Variants in MACF1 observed in about 807,000 individuals in gnomAD.
The protein encoded by MACF1 is microtubule-actin cross-linking factor 1.
In MACF1, 193 loss-of-function variants were observed where a neutral mutation model predicts 854.8. The ratio of observed to expected loss-of-function variants is 0.23; its 90% CI spans 0.20 to 0.25. The LOEUF is 0.25. Among genes scored for constraint, MACF1 ranks in the 10% least tolerant of loss-of-function variants. The pLI is 1.00. For synonymous variants in MACF1, 3,185 were observed against 3,226.7 expected, an observed-to-expected ratio of 0.99 and a Z score of 0.44; for missense variants, 7,722 against 8,929.1, an observed-to-expected ratio of 0.86 and a Z score of 5.45.
intron 4 of MACF1, among the ~76,000 whole-genome samples, chr1:39,252,631 T>C (rs1176387011): frequency 6.6e-6 from 1 of 152,228 alleles, no homozygotes; most frequent in African/African-American, 2.4e-5. Flanking sequence ...TCATTCTCTG[T>C]CCTCTTAAAA....
chr1:39,454,834 A>C (rs1644405240), intron 88 of MACF1, 75 bp from the exon 89 acceptor site: 1 of 1,289,932 alleles, frequency 7.8e-7, no homozygotes, highest in African/African-American at 1.5e-5. Context: ...TATGAAAATC[A>C]GATGAAAAAG....
At position 39,358,773 on chromosome 1, in the gene MACF1, A is replaced by G. The variant is rs140590169; in HGVS notation, c.12020A>G (p.Gln4007Arg). 5 of 1,614,124 alleles carry G rather than the reference A, an allele frequency of 3.1e-6. No individual in the cohort carries two copies. The highest frequency in any genetic ancestry group is 4.2e-6 in the Non-Finnish European group (5 of 1,180,006). The change falls in exon 46 of 101, where the codon CAG (glutamine) becomes CGG (arginine). Residue 4007 changes from glutamine (Q) to arginine (R), a missense_variant. Physicochemically the swap from Gln to Arg is conservative, Grantham distance 43 (BLOSUM62 1). Transcript: ENST00000564288. ...TTCCAAAACAGTGCTGACAGCCTGCAGGCCTGGATGCAGGCTTGTGAGGCC... is the reference window on the plus strand; with the variant it reads ...TTCCAAAACAGTGCTGACAGCCTGCGGGCCTGGATGCAGGCTTGTGAGGCC... ...HQFQNSADSL[Q>R]AWMQACEANV... is the part of the protein sequence containing the mutation.
intron 87 of MACF1, among the ~76,000 whole-genome samples, chr1:39,453,251 A>G (rs1557663000): frequency 6.6e-6 from 1 of 151,994 alleles, no homozygotes; most frequent in Non-Finnish European, 1.5e-5. Flanking sequence ...CCCTTTTTAA[A>G]TTTTTATGTT....
chr1:39,410,972 A>G (rs1193689252), intron 58 of MACF1: 4 of 1,613,830 alleles, frequency 2.5e-6, no homozygotes, highest in African/African-American at 2.7e-5. Flanking sequence ...CAGCCTGTAG[A>G]ATCAGAAGCT....
intron 30 of MACF1, among the ~76,000 whole-genome samples, chr1:39,319,048 A>G (rs1646464811): frequency 2.0e-5 from 3 of 150,918 alleles, no homozygotes; most frequent in African/African-American, 7.3e-5. Context: ...CATTATGGTT[A>G]AGAGTATGAG....
chr1:39,258,024 T>A lies in MACF1; in HGVS notation c.524T>A (p.Phe175Tyr). ...CTGATCTGGACCATTATTTTGCATT[T>A]CCAGGTAGGGCATGTGAAGTTTGGA... ...LGLIWTIILH[F>Y]QISDIYISGE... The change falls in exon 6 of 101, where the codon TTC (phenylalanine) becomes TAC (tyrosine). Residue 175 changes from phenylalanine (F) to tyrosine (Y), a missense_variant. This residue lies in a region of MACF1 where 108 missense variants were observed against 196.4 expected (regional missense o/e 0.55). Coordinates refer to ENST00000564288, the MANE Select transcript of MACF1 (RefSeq NM_001394062.1). 6.2e-7 allele frequency: 1 copy of A among 1,613,896 alleles called. No individual in the cohort carries two copies. Among genetic ancestry groups the A allele is most frequent in the Non-Finnish European group, 8.5e-7 (1 of 1,179,800 alleles).
intron 2 of MACF1, among the ~76,000 whole-genome samples, chr1:39,191,828 AGCT>A (rs1325074713): frequency 6.6e-5 from 10 of 152,130 alleles, no homozygotes; most frequent in African/African-American, 2.4e-4. Context: ...CCCTGCAGGG[AGCT>A]GAGAGGAGCT....
chr1:39,368,121 T>G (rs1294514565), intron 49 of MACF1, 27 bp from the exon 50 acceptor site: 2 of 1,607,506 alleles, frequency 1.2e-6, no homozygotes, highest in South Asian at 2.2e-5. Flanking sequence ...TTAGAGGATT[T>G]AATACATTTC....
chr1:39,424,239 GTTC>G (rs1273280396), intron 61 of MACF1, 45 bp downstream of exon 61: 1 of 1,541,538 alleles, frequency 6.5e-7, no homozygotes. Flanking sequence ...GGTTTGTTTT[GTTC>G]TTCTTCGACT....
At chr1:39,392,048 T>C (rs1229935640) in intron 58 of MACF1, among the ~76,000 whole-genome samples, 1 of 152,172 alleles carries the variant, frequency 6.6e-6, no homozygotes. Context: ...TACCATAAAA[T>C]GATCAGTATC....
At chr1:39,365,220 C>T (rs188814639) in intron 49 of MACF1, among the ~76,000 whole-genome samples, 9 of 152,102 alleles carry the variant, frequency 5.9e-5, no homozygotes, top group East Asian at 1.9e-4. Flanking sequence ...GGACTACAGG[C>T]GCCCGCCACC....
intron 2 of MACF1, among the ~76,000 whole-genome samples, chr1:39,240,154 A>G (rs1644905878): frequency 6.6e-6 from 1 of 152,186 alleles, no homozygotes; most frequent in Non-Finnish European, 1.5e-5. Flanking sequence ...TGGCCACATG[A>G]GTCAATTCAC....
intron 2 of MACF1, among the ~76,000 whole-genome samples, chr1:39,122,218 C>T (rs1234767299): frequency 2.0e-5 from 3 of 150,692 alleles, no homozygotes; most frequent in African/African-American, 7.3e-5. Flanking sequence ...ATGTAACATA[C>T]TTGTACAGTG....
At chr1:39,455,209 C>A in intron 89 of MACF1, 112 bp downstream of exon 89, 1 of 1,031,708 alleles carries the variant, frequency 9.7e-7, no homozygotes, top group Non-Finnish European at 1.4e-6. Context: ...TTACCACAGA[C>A]TTAGCACTGT....
Position 39,379,318 on chromosome 1 carries a change from G to A in MACF1, c.13392G>A (p.Glu4464=), listed in dbSNP as rs1182662731. ...AGGCTATCCTCAACAGAATGGAGGA[G>A]GTTCACAAGGAGGCAAACTCTGTGC... The part of the protein sequence containing the change: ...SLQAILNRME[E]VHKEANSVLQ... The change falls in exon 54 of 101, where the codon GAG becomes GAA. Residue 4464 remains glutamate, a synonymous_variant. Transcript: ENST00000564288. 10 of 1,613,978 alleles carry A rather than the reference G, an allele frequency of 6.2e-6. No individual in the cohort carries two copies. Among genetic ancestry groups the A allele is most frequent in the South Asian group, 3.3e-5 (3 of 91,080 alleles).
chr1:39,106,024 G>A (rs775871447), intron 2 of MACF1, among the ~76,000 whole-genome samples: 2 of 152,220 alleles, frequency 1.3e-5, no homozygotes, highest in Non-Finnish European at 2.9e-5. Flanking sequence ...GTGGGGAGTT[G>A]CTGGGGAGGA....
At chr1:39,352,441 G>T (rs1647214331) in intron 43 of MACF1, among the ~76,000 whole-genome samples, 1 of 152,242 alleles carries the variant, frequency 6.6e-6, no homozygotes, top group Non-Finnish European at 1.5e-5. Context: ...CGGCACTTCT[G>T]TGTACCTCAA....
At chr1:39,249,934 C>G (rs1277151355) in intron 2 of MACF1, 80 bp from the exon 3 acceptor site, 2 of 698,870 alleles carry the variant, frequency 2.9e-6, no homozygotes, top group Middle Eastern at 2.7e-4. Flanking sequence ...TTGTGTTTAC[C>G]TAGAACCAGA....
Position 39,340,894 on chromosome 1 carries a change from A to G in MACF1, c.10522A>G (p.Lys3508Glu), listed in dbSNP as rs41270809. 53,243 of 1,613,736 alleles carry G rather than the reference A, an allele frequency of 0.033. 1,093 individuals carry two copies. Among genetic ancestry groups the G allele is most frequent in the Non-Finnish European group, 0.039 (46,101 of 1,179,704 alleles). ...VGNKNLILNS[K>E]GSNSEIDVDS... ...CAATAAAAATCTTATTCTGAACAGCAAGGGATCTAACAGTGAAATAGATGT... is the reference window on the plus strand; with the variant it reads ...CAATAAAAATCTTATTCTGAACAGCGAGGGATCTAACAGTGAAATAGATGT... The change falls in exon 40 of 101, where the codon AAG becomes GAG. Residue 3508 changes from lysine (K) to glutamate (E), a missense_variant. Physicochemically the swap from Lys to Glu is moderately conservative, Grantham distance 56. Coordinates refer to ENST00000564288, the MANE Select transcript of MACF1 (RefSeq NM_001394062.1).
Sources: gnomAD v4.1 joint callset for allele counts (sites outside exome capture counted in the v4.1 genomes callset) on GRCh38, gnomAD v4.1.1 for gene constraint, gnomAD v4.1.1 regional missense constraint, MANE v1.5 for transcripts, NCBI Gene and HGNC (gene_info 2026-07-23, HGNC 2026-07-21) for gene names.